The following ADAMTSL1 variants were observed in gnomAD, a reference collection of about 807,000 sequenced individuals.
ADAMTSL1 encodes ADAMTS like 1.
ADAMTSL1 carries 126 observed loss-of-function variants against 201.8 expected under a neutral mutation model. The observed-to-expected ratio is 0.62, with a 90% CI of 0.54 to 0.72. The LOEUF is 0.72. Ranked by LOEUF, ADAMTSL1 falls within the 30% of genes least tolerant of loss-of-function variation. The probability of loss-of-function intolerance (pLI) is 0.00; values close to 1 mark genes in which losing one functional copy is unlikely to be tolerated. For synonymous variants in ADAMTSL1, 1,121 were observed against 903.4 expected, an observed-to-expected ratio of 1.24 and a Z score of -4.32; for missense variants, 2,679 against 2,277.8, an observed-to-expected ratio of 1.18 and a Z score of -3.59.
At chr9:18,643,969 G>C (rs899803853) in intron 7 of ADAMTSL1, among the ~76,000 whole-genome samples, 5 of 151,876 alleles carry the variant, frequency 3.3e-5, no homozygotes, top group East Asian at 3.9e-4. Context: ...ATAGTGTTGG[G>C]TAGTACGGAC....
intron 1 of ADAMTSL1, among the ~76,000 whole-genome samples, chr9:17,914,065 A>G (rs201187114): frequency 3.3e-5 from 5 of 152,134 alleles, no homozygotes; most frequent in Admixed American, 6.6e-5. Flanking sequence ...GGACCAGATG[A>G]ATTCACAGCC....
chr9:18,747,023 A>G (rs1377273364), intron 15 of ADAMTSL1, among the ~76,000 whole-genome samples: 2 of 152,168 alleles, frequency 1.3e-5, no homozygotes, highest in African/African-American at 4.8e-5. Context: ...GTTTGTTTCT[A>G]TTATTTAGAA....
intron 2 of ADAMTSL1, among the ~76,000 whole-genome samples, chr9:18,226,077 G>A (rs1021467277): frequency 2.0e-4 from 30 of 152,100 alleles, no homozygotes; most frequent in African/African-American, 6.3e-4. Context: ...TTTAATAGGA[G>A]TTTTCTTTAG....
At chr9:18,119,210 C>T (rs1825392898) in intron 1 of ADAMTSL1, among the ~76,000 whole-genome samples, 1 of 152,158 alleles carries the variant, frequency 6.6e-6, no homozygotes, top group African/African-American at 2.4e-5. Flanking sequence ...CACTTCTCAT[C>T]AAGATGCTCT....
chr9:18,318,043 T>G (rs774856355), intron 2 of ADAMTSL1, among the ~76,000 whole-genome samples: 9 of 147,244 alleles, frequency 6.1e-5, no homozygotes, highest in Non-Finnish European at 1.3e-4. Context: ...AGCCTCTGTT[T>G]TCTTTTCTGT....
At chr9:18,834,495 A>T (rs1206527023) in intron 23 of ADAMTSL1, among the ~76,000 whole-genome samples, 1 of 152,210 alleles carries the variant, frequency 6.6e-6, no homozygotes, top group South Asian at 2.1e-4. Context: ...TATATAATAC[A>T]TATTTAAAGT....
intron 1 of ADAMTSL1, among the ~76,000 whole-genome samples, chr9:17,928,458 C>T (rs1427186226): frequency 6.6e-6 from 1 of 152,202 alleles, no homozygotes; most frequent in Admixed American, 6.5e-5. Flanking sequence ...CAATACTCCT[C>T]TGACTTCTTC....
chr9:18,409,011 C>G (rs1041392584), intron 2 of ADAMTSL1, among the ~76,000 whole-genome samples: 1 of 152,058 alleles, frequency 6.6e-6, no homozygotes, highest in African/African-American at 2.4e-5. Flanking sequence ...GCTCTTTTAA[C>G]TTACTAAGAT....
intron 14 of ADAMTSL1, among the ~76,000 whole-genome samples, chr9:18,720,067 G>A (rs1487187463): frequency 6.6e-6 from 1 of 152,114 alleles, no homozygotes; most frequent in Admixed American, 6.6e-5. Flanking sequence ...ATGTCTGAAG[G>A]CAAATTAGTG....
At chr9:18,454,474 G>T (rs554604034) in intron 2 of ADAMTSL1, among the ~76,000 whole-genome samples, 1 of 152,092 alleles carries the variant, frequency 6.6e-6, no homozygotes, top group Non-Finnish European at 1.5e-5. Context: ...TGCTTTACCA[G>T]TTCTCCAGGT....
At chr9:18,348,714 C>A (rs1835833135) in intron 2 of ADAMTSL1, among the ~76,000 whole-genome samples, 1 of 152,094 alleles carries the variant, frequency 6.6e-6, no homozygotes, top group Non-Finnish European at 1.5e-5. Flanking sequence ...GCCCGTAAGT[C>A]ACAAATTTGG....
chr9:18,426,392 A>C (rs887511052), intron 2 of ADAMTSL1, among the ~76,000 whole-genome samples: 1 of 152,328 alleles, frequency 6.6e-6, no homozygotes, highest in Non-Finnish European at 1.5e-5. Flanking sequence ...AGACTGGCAA[A>C]TAATTCCCTA....
chr9:18,826,553 T>C, intron 22 of ADAMTSL1, 90 bp downstream of exon 22: 3 of 1,444,534 alleles, frequency 2.1e-6, no homozygotes, highest in Non-Finnish European at 2.8e-6. Flanking sequence ...CCTAATCCAA[T>C]TAAGGACATA....
At chr9:18,316,916 A>T (rs1834422328) in intron 2 of ADAMTSL1, among the ~76,000 whole-genome samples, 1 of 152,198 alleles carries the variant, frequency 6.6e-6, no homozygotes, top group African/African-American at 2.4e-5. Flanking sequence ...TCTCAAAGGG[A>T]TATCTACACC....
intron 2 of ADAMTSL1, among the ~76,000 whole-genome samples, chr9:18,532,124 T>C (rs1819481340): frequency 6.6e-6 from 1 of 152,218 alleles, no homozygotes. Flanking sequence ...TTAAAAAATG[T>C]GTGACATATT....
At chr9:18,827,485 A>T (rs1243228994) in intron 22 of ADAMTSL1, among the ~76,000 whole-genome samples, 24 of 152,120 alleles carry the variant, frequency 1.6e-4, no homozygotes, top group Admixed American at 1.6e-3. Flanking sequence ...TGGCTGCATA[A>T]ACCTCCAGCC....
At chr9:18,544,207 T>G (rs929184256) in intron 3 of ADAMTSL1, among the ~76,000 whole-genome samples, 5 of 152,188 alleles carry the variant, frequency 3.3e-5, no homozygotes, top group Admixed American at 3.3e-4. Context: ...ATAACAAATT[T>G]TAGTTCTTTC....
intron 2 of ADAMTSL1, among the ~76,000 whole-genome samples, chr9:18,188,475 A>C (rs190503336): frequency 9.2e-5 from 14 of 152,296 alleles, no homozygotes; most frequent in African/African-American, 3.4e-4. Flanking sequence ...AATTGTCTTC[A>C]AATAGGTATA....
At chr9:17,983,546 G>A (rs1432014790) in intron 1 of ADAMTSL1, among the ~76,000 whole-genome samples, 1 of 152,112 alleles carries the variant, frequency 6.6e-6, no homozygotes, top group African/African-American at 2.4e-5. Context: ...ACTCTATGTG[G>A]TTAGTTTTCT....
Sources: gnomAD v4.1 joint callset for allele counts (sites outside exome capture counted in the v4.1 genomes callset) on GRCh38, gnomAD v4.1.1 for gene constraint, MANE v1.5 for transcripts, NCBI Gene and HGNC (gene_info 2026-07-23, HGNC 2026-07-21) for gene names.